Variants in MLLT3 observed in about 807,000 individuals in gnomAD.
MLLT3 encodes the protein MLLT3 super elongation complex subunit, also known as protein AF-9.
MLLT3 carries 4 observed loss-of-function variants against 53.2 expected under a neutral mutation model. That is an observed-to-expected ratio of 0.08 (90% CI 0.04 to 0.17). MLLT3 has a LOEUF of 0.17. MLLT3 is among the 10% of genes least tolerant of loss of function. The pLI is 1.00. For synonymous variants in MLLT3, 283 were observed against 230.6 expected (o/e 1.23, Z -2.06); for missense variants, 569 against 684.0 (o/e 0.83, Z 1.87).
At chr9:20,616,190 C>T (rs901632206) in intron 2 of MLLT3, among the ~76,000 whole-genome samples, 1 of 152,088 alleles carries the variant, frequency 6.6e-6, no homozygotes, top group African/African-American at 2.4e-5. Flanking sequence ...ATTTTATCAT[C>T]ATTTCCATAA....
intron 2 of MLLT3, among the ~76,000 whole-genome samples, chr9:20,604,686 C>G (rs968970345): frequency 1.3e-5 from 2 of 152,084 alleles, no homozygotes; most frequent in Non-Finnish European, 2.9e-5. Context: ...AAACCTACAG[C>G]AGCTGTCTAA....
At chr9:20,486,031 T>G (rs529695389) in intron 2 of MLLT3, among the ~76,000 whole-genome samples, 1 of 152,294 alleles carries the variant, frequency 6.6e-6, no homozygotes, top group African/African-American at 2.4e-5. Context: ...TGTATTGTAT[T>G]ATTTTCAGCC....
rs572845575 is a variant in MLLT3, at chr9:20,464,958, C to T, written c.194-8172G>A. 9.3e-4 allele frequency among the ~76,000 whole-genome samples: 141 copies of T among 152,118 alleles called. 1 individual carries two copies. Among genetic ancestry groups the T allele is most frequent in the African/African-American group, 3.3e-3 (135 of 41,524 alleles). ...TCTTAAATTCTCCTAAAGCTATAAA[C>T]CCCCAAGAGCTTATAATGACTCTAC... On this transcript the variant is annotated intron_variant, in intron 2 of 10. Transcript: ENST00000380338.
At chr9:20,576,107 A>G (rs1381843195) in intron 2 of MLLT3, among the ~76,000 whole-genome samples, 1 of 152,188 alleles carries the variant, frequency 6.6e-6, no homozygotes, top group African/African-American at 2.4e-5. Context: ...TTGCACTTTT[A>G]TGTTATGAAG....
intron 2 of MLLT3, among the ~76,000 whole-genome samples, chr9:20,608,328 C>A (rs931252012): frequency 2.0e-5 from 3 of 151,690 alleles, no homozygotes; most frequent in Non-Finnish European, 4.4e-5. Flanking sequence ...CACTACACAG[C>A]AAGATAGACA....
At chr9:20,550,320 GA>G (rs1818895326) in intron 2 of MLLT3, among the ~76,000 whole-genome samples, 2 of 152,196 alleles carry the variant, frequency 1.3e-5, no homozygotes, top group African/African-American at 4.8e-5. Flanking sequence ...TCCTTCATCA[GA>G]GATGTGTATT....
At chr9:20,409,866 A>C (rs1461588684) in intron 5 of MLLT3, among the ~76,000 whole-genome samples, 1 of 152,232 alleles carries the variant, frequency 6.6e-6, no homozygotes, top group African/African-American at 2.4e-5. Context: ...TATTAACAGT[A>C]ACTCAAAGAT....
At chr9:20,605,726 A>ATT (rs1225998843) in intron 2 of MLLT3, among the ~76,000 whole-genome samples, 1 of 152,084 alleles carries the variant, frequency 6.6e-6, no homozygotes, top group Admixed American at 6.6e-5. Context: ...CTAGTATAAC[A>ATT]TTTATACTAT....
In MLLT3 at chr9:20,518,281, G is replaced by C. The variant is rs911551098; in HGVS notation, c.194-61495C>G. On this transcript the variant is annotated intron_variant, in intron 2 of 10. Transcript: ENST00000380338. ...AAATCACTTGAACCCAGGAGGCAGA[G>C]GTTGCAGTGAGCCAAGATCGCGCCA... Among the ~76,000 whole-genome samples, 10 of 152,304 alleles carry C rather than the reference G, an allele frequency of 6.6e-5. No individual in the cohort carries two copies. In the East Asian group the frequency reaches 1.7e-3, roughly 26 times the overall value.
chr9:20,513,778 A>C (rs1377814620), intron 2 of MLLT3, among the ~76,000 whole-genome samples: 2 of 152,244 alleles, frequency 1.3e-5, no homozygotes, highest in Non-Finnish European at 2.9e-5. Flanking sequence ...TAGTGTGTCA[A>C]GGATGACTGA....
intron 2 of MLLT3, among the ~76,000 whole-genome samples, chr9:20,513,748 G>A (rs760647513): frequency 2.6e-5 from 4 of 152,322 alleles, no homozygotes; most frequent in East Asian, 3.9e-4. Context: ...CTGAGGAACC[G>A]GGAGGAGGCA....
intron 2 of MLLT3, among the ~76,000 whole-genome samples, chr9:20,510,323 A>T (rs1825501620): frequency 6.6e-6 from 1 of 152,192 alleles, no homozygotes; most frequent in African/African-American, 2.4e-5. Context: ...ATAAAAGATC[A>T]ATTTTGCCGC....
At chr9:20,591,600 T>C (rs189940589) in intron 2 of MLLT3, among the ~76,000 whole-genome samples, 2 of 152,262 alleles carry the variant, frequency 1.3e-5, no homozygotes, top group East Asian at 3.9e-4. Flanking sequence ...TTATAGAATA[T>C]CGCGAAATGT....
At chr9:20,529,519 G>A (rs574646934) in intron 2 of MLLT3, among the ~76,000 whole-genome samples, 127 of 152,178 alleles carry the variant, frequency 8.3e-4, no homozygotes, top group African/African-American at 2.7e-3. Flanking sequence ...AAAAGGAACC[G>A]CCAGTTAGTT....
chr9:20,570,268 C>T (rs1008026322), intron 2 of MLLT3, among the ~76,000 whole-genome samples: 5 of 152,132 alleles, frequency 3.3e-5, no homozygotes, highest in African/African-American at 1.2e-4. Context: ...TGACAACAGT[C>T]AGAATTCCAA....
chr9:20,619,348 G>A (rs1373392931), intron 2 of MLLT3, among the ~76,000 whole-genome samples: 1 of 152,016 alleles, frequency 6.6e-6, no homozygotes, highest in Non-Finnish European at 1.5e-5. Context: ...ACCACTAAAG[G>A]CAAAAAATAC....
rs141978584 is a variant in MLLT3, at chr9:20,527,147, T to C, written c.194-70361A>G. ...TTATGTAACCAGCCTATGAGTGTTCTAGGAACACAGAACAAGGAATAATCA... is the reference window on the plus strand; with the variant it reads ...TTATGTAACCAGCCTATGAGTGTTCCAGGAACACAGAACAAGGAATAATCA... On this transcript the variant is annotated intron_variant, in intron 2 of 10. Transcript: ENST00000380338. Among the ~76,000 whole-genome samples the C allele has an allele frequency of 4.9e-3, 749 of 152,236 alleles. 3 individuals are homozygous for C. Among genetic ancestry groups the C allele is most frequent in the Admixed American group, 8.6e-3 (131 of 15,300 alleles).
chr9:20,573,624 G>A (rs1819586221), intron 2 of MLLT3, among the ~76,000 whole-genome samples: 1 of 152,214 alleles, frequency 6.6e-6, no homozygotes, highest in African/African-American at 2.4e-5. Context: ...GTTAAAAGAT[G>A]TCTGAATTAT....
At chr9:20,470,477 A>G (rs1271699104) in intron 2 of MLLT3, among the ~76,000 whole-genome samples, 1 of 152,054 alleles carries the variant, frequency 6.6e-6, no homozygotes, top group African/African-American at 2.4e-5. Context: ...AATGATGCTG[A>G]TATCAGCTAA....
Sources: gnomAD v4.1 joint callset for allele counts (sites outside exome capture counted in the v4.1 genomes callset) on GRCh38, gnomAD v4.1.1 for gene constraint, MANE v1.5 for transcripts, NCBI Gene and HGNC (gene_info 2026-07-23, HGNC 2026-07-21) for gene names.